Variants in SLCO3A1 observed in about 807,000 individuals in gnomAD.
SLCO3A1 encodes the protein solute carrier organic anion transporter family member 3A1.
In SLCO3A1, 27 loss-of-function variants were observed where a neutral mutation model predicts 63.1. The observed-to-expected ratio is 0.43, with a 90% CI of 0.32 to 0.59. SLCO3A1 has a LOEUF of 0.59. Among genes scored for constraint, SLCO3A1 ranks in the 20% least tolerant of loss-of-function variants. The pLI is 0.09. For synonymous variants in SLCO3A1, 473 were observed against 409.9 expected, an observed-to-expected ratio of 1.15 and a Z score of -1.86; for missense variants, 773 against 945.8, an observed-to-expected ratio of 0.82 and a Z score of 2.40.
intron 7 of SLCO3A1, among the ~76,000 whole-genome samples, chr15:92,139,570 C>T (rs1170328893): frequency 1.3e-5 from 2 of 151,982 alleles, no homozygotes; most frequent in East Asian, 3.9e-4. Context: ...CCTCCTTGTA[C>T]CTCTGGTAGA....
intron 2 of SLCO3A1, among the ~76,000 whole-genome samples, chr15:91,999,242 T>G (rs914554435): frequency 2.0e-5 from 3 of 152,192 alleles, no homozygotes; most frequent in African/African-American, 4.8e-5. Context: ...ACAATAGACC[T>G]GTGTAACAAA....
rs1898531893 is a variant in SLCO3A1 at position 91,912,973 on chromosome 15, A to C, written c.181-3020A>C. 6.6e-6 allele frequency among the ~76,000 whole-genome samples: 1 copy of C among 152,198 alleles called. No homozygotes were observed. ...ATTATAAACCTCTGGTAAATCATTT[A>C]TTCCATCATGTATGTATGTTTGTTT... On this transcript the variant is annotated intron_variant, in intron 1 of 9. Transcript: ENST00000318445. The surrounding 1 kb of genome is among the most constrained non-coding windows in gnomAD (Gnocchi z 5.0).
intron 2 of SLCO3A1, among the ~76,000 whole-genome samples, chr15:92,024,010 A>T (rs1290016542): frequency 3.9e-5 from 6 of 152,144 alleles, no homozygotes; most frequent in African/African-American, 1.4e-4. Context: ...CTGTTGGGCC[A>T]TGTGGTCCCT....
At chr15:91,993,969 G>T (rs1288654898) in intron 2 of SLCO3A1, among the ~76,000 whole-genome samples, 6 of 152,288 alleles carry the variant, frequency 3.9e-5, no homozygotes. Context: ...AAGCCCCCTT[G>T]GAAGCAGGTC....
chr15:91,929,147 G>A (rs1229918716), intron 2 of SLCO3A1, among the ~76,000 whole-genome samples: 1 of 152,182 alleles, frequency 6.6e-6, no homozygotes, highest in Non-Finnish European at 1.5e-5. Flanking sequence ...TGAGCTCTGT[G>A]GTGTTCTGAA....
At chr15:91,906,813 A>G (rs570553298) in intron 1 of SLCO3A1, among the ~76,000 whole-genome samples, 45 of 152,320 alleles carry the variant, frequency 3.0e-4, no homozygotes, top group African/African-American at 1.0e-3. Context: ...AGAAAATTCT[A>G]TTAGTTGACT....
intron 2 of SLCO3A1, among the ~76,000 whole-genome samples, chr15:92,042,199 T>C (rs916674693): frequency 1.3e-5 from 2 of 152,178 alleles, no homozygotes; most frequent in African/African-American, 2.4e-5. Context: ...GTAAACACTT[T>C]TACTCTTTCT....
At chr15:91,965,604 C>T (rs1597166281) in intron 2 of SLCO3A1, among the ~76,000 whole-genome samples, 1 of 152,170 alleles carries the variant, frequency 6.6e-6, no homozygotes, top group Non-Finnish European at 1.5e-5. Context: ...CCAGCCTGGC[C>T]TTGCCTAGGG....
In SLCO3A1 at chr15:91,891,876, A is replaced by G. The variant is rs151095527; in HGVS notation, c.181-24117A>G. Among the ~76,000 whole-genome samples the G allele has an allele frequency of 1.7e-3, 256 of 152,194 alleles. 3 individuals are homozygous for G. The highest frequency in any genetic ancestry group is 6.0e-3 in the African/African-American group (249 of 41,536). On this transcript the variant is annotated intron_variant, in intron 1 of 9. Coordinates refer to ENST00000318445, the MANE Select transcript of SLCO3A1 (RefSeq NM_013272.4). ...ATACTGTCTCTGTTGCTCTCTCACA[A>G]CTCAACTCTGCTATAGCCGTGATGG...
chr15:92,118,990 A>C (rs1432179880), intron 4 of SLCO3A1, among the ~76,000 whole-genome samples: 1 of 152,190 alleles, frequency 6.6e-6, no homozygotes. Flanking sequence ...TTTGTAGCCT[A>C]GCAGTGTCTT....
chr15:91,926,345 T>C (rs1292390854), intron 2 of SLCO3A1, among the ~76,000 whole-genome samples: 6 of 152,300 alleles, frequency 3.9e-5, no homozygotes. Flanking sequence ...ACATTGCGTA[T>C]GTGGGCAGGA....
rs1389603023 is a variant in SLCO3A1, at chr15:91,882,004, A to G, written c.180+27916A>G. Among the ~76,000 whole-genome samples, 1 of 152,174 alleles carries G rather than the reference A, an allele frequency of 6.6e-6. No homozygotes were observed. Among genetic ancestry groups the G allele is most frequent in the Non-Finnish European group, 1.5e-5 (1 of 68,030 alleles). The stretch of plus-strand genomic sequence containing the variant: ...CTTAAGATCAGTGCCTTCAAGTACA[A>G]ATGCTTTTCATTGGAGAGTTTGGTT... On this transcript the variant is annotated intron_variant, in intron 1 of 9. Coordinates refer to ENST00000318445, the MANE Select transcript of SLCO3A1 (RefSeq NM_013272.4). The surrounding 1 kb of genome is among the most constrained non-coding windows in gnomAD (Gnocchi z 4.4).
chr15:92,048,463 A>G (rs867045676), intron 2 of SLCO3A1, among the ~76,000 whole-genome samples: 8 of 152,182 alleles, frequency 5.3e-5, no homozygotes, highest in South Asian at 2.1e-4. Context: ...CATCCTCAGC[A>G]GCACTGACAT....
chr15:91,953,167 C>G (rs1900053926), intron 2 of SLCO3A1, among the ~76,000 whole-genome samples: 1 of 152,160 alleles, frequency 6.6e-6, no homozygotes, highest in Admixed American at 6.5e-5. Flanking sequence ...GAGGAAACAT[C>G]TATATATAAA....
At chr15:91,855,263 T>C (rs929287904) in intron 1 of SLCO3A1, among the ~76,000 whole-genome samples, 5 of 152,158 alleles carry the variant, frequency 3.3e-5, no homozygotes, top group African/African-American at 1.2e-4. Flanking sequence ...CGCTGGGGGC[T>C]GTATACCATT....
chr15:91,888,602 A>T (rs1897786514), intron 1 of SLCO3A1, among the ~76,000 whole-genome samples: 1 of 152,180 alleles, frequency 6.6e-6, no homozygotes, highest in Non-Finnish European at 1.5e-5. Context: ...CTTATCTTGT[A>T]GGAGATTAGC....
chr15:92,110,885 A>C (rs1414680426), intron 4 of SLCO3A1, among the ~76,000 whole-genome samples: 1 of 144,180 alleles, frequency 6.9e-6, no homozygotes, highest in Non-Finnish European at 1.5e-5. Context: ...TAGACTTGGC[A>C]AGAGCTTCAG....
At chr15:91,975,982 A>T (rs943363066) in intron 2 of SLCO3A1, among the ~76,000 whole-genome samples, 2 of 152,162 alleles carry the variant, frequency 1.3e-5, no homozygotes, top group African/African-American at 4.8e-5. Flanking sequence ...GCAGCACCTC[A>T]CTTGATTATT....
chr15:92,078,324 G>C (rs559258456), intron 2 of SLCO3A1, among the ~76,000 whole-genome samples: 90 of 152,306 alleles, frequency 5.9e-4, no homozygotes, highest in Admixed American at 3.6e-3. Flanking sequence ...CATCCCCAAG[G>C]TTTTCCGAGC....
Sources: gnomAD v4.1 joint callset for allele counts (sites outside exome capture counted in the v4.1 genomes callset) on GRCh38, gnomAD v4.1.1 for gene constraint, Gnocchi (gnomAD v3.1) non-coding constraint, MANE v1.5 for transcripts, NCBI Gene and HGNC (gene_info 2026-07-23, HGNC 2026-07-21) for gene names.